PKN2: variants seen among roughly 807,000 people sequenced by gnomAD.
The protein encoded by PKN2 is serine/threonine-protein kinase N2.
Under a neutral mutation model 119.1 loss-of-function variants are expected in PKN2, and 38 were observed. That is an observed-to-expected ratio of 0.32 (90% confidence interval 0.25 to 0.42). PKN2 has a LOEUF of 0.42. PKN2 is among the 10% of genes least tolerant of loss of function. The pLI is 1.00. For synonymous variants in PKN2, 390 were observed against 384.9 expected, an observed-to-expected ratio of 1.01 and a Z score of -0.15; for missense variants, 850 against 1,165.1, an observed-to-expected ratio of 0.73 and a Z score of 3.94.
chr1:88,716,302 A>C (rs932858947), intron 1 of PKN2, among the ~76,000 whole-genome samples: 2 of 152,170 alleles, frequency 1.3e-5, no homozygotes, highest in African/African-American at 2.4e-5. Flanking sequence ...GTAGATGTCT[A>C]TTAGGTCTGC....
chr1:88,717,057 T>G (rs959321455), intron 1 of PKN2, among the ~76,000 whole-genome samples: 8 of 152,174 alleles, frequency 5.3e-5, no homozygotes, highest in African/African-American at 1.9e-4. Flanking sequence ...CTTATGAAGC[T>G]TAGTTTGGCT....
intron 15 of PKN2, among the ~76,000 whole-genome samples, chr1:88,808,788 A>T (rs1671665565): frequency 6.6e-6 from 1 of 152,166 alleles, no homozygotes; most frequent in Non-Finnish European, 1.5e-5. Flanking sequence ...TGTAGGAGGC[A>T]TATGTTAATA....
chr1:88,818,680 C>T (rs1186386471), intron 16 of PKN2, among the ~76,000 whole-genome samples: 1 of 151,050 alleles, frequency 6.6e-6, no homozygotes, highest in African/African-American at 2.4e-5. Context: ...GAAGAAACTA[C>T]TTTAAATTTC....
chr1:88,704,087 A>C (rs1257320274), intron 1 of PKN2, among the ~76,000 whole-genome samples: 1 of 152,180 alleles, frequency 6.6e-6, no homozygotes, highest in African/African-American at 2.4e-5. Flanking sequence ...AGTGCAAACA[A>C]TATAATGAAC....
At chr1:88,802,250 A>G (rs1671343451) in intron 8 of PKN2, among the ~76,000 whole-genome samples, 1 of 152,218 alleles carries the variant, frequency 6.6e-6, no homozygotes, top group Admixed American at 6.5e-5. Flanking sequence ...AGAGTATAGA[A>G]TTCTAGGAAA....
At chr1:88,821,183 C>T (rs1003330400) in intron 16 of PKN2, among the ~76,000 whole-genome samples, 4 of 152,172 alleles carry the variant, frequency 2.6e-5, no homozygotes, top group African/African-American at 9.7e-5. Context: ...ACTTCCTTAT[C>T]CTGTAATGGG....
chr1:88,707,002 G>A (rs953081708), intron 1 of PKN2, among the ~76,000 whole-genome samples: 1 of 151,684 alleles, frequency 6.6e-6, no homozygotes, highest in Non-Finnish European at 1.5e-5. Context: ...TATATATCTT[G>A]TCTGTTTTTG....
At chr1:88,766,751 G>C (rs781723476) in intron 3 of PKN2, among the ~76,000 whole-genome samples, 1 of 151,978 alleles carries the variant, frequency 6.6e-6, no homozygotes, top group Non-Finnish European at 1.5e-5. Flanking sequence ...CTCTTCCCTT[G>C]TACATATTAT....
At chr1:88,717,798 A>C (rs1667514447) in intron 1 of PKN2, among the ~76,000 whole-genome samples, 1 of 151,886 alleles carries the variant, frequency 6.6e-6, no homozygotes, top group South Asian at 2.1e-4. Flanking sequence ...ACTTCTGTCA[A>C]CTCGTCAAAG....
At chr1:88,784,312 A>G (rs1201650352) in intron 6 of PKN2, among the ~76,000 whole-genome samples, 8 of 151,860 alleles carry the variant, frequency 5.3e-5, no homozygotes, top group African/African-American at 1.9e-4. Flanking sequence ...TTTAGTATAC[A>G]GGGTCTTGCC....
At chr1:88,703,629 C>T (rs1666859235) in intron 1 of PKN2, among the ~76,000 whole-genome samples, 1 of 152,016 alleles carries the variant, frequency 6.6e-6, no homozygotes, top group African/African-American at 2.4e-5. Flanking sequence ...TAAGCATTTT[C>T]CTCTCATCAC....
chr1:88,833,165 T>A lies in PKN2; in HGVS notation c.2751+8T>A. On this transcript the variant is annotated splice_region_variant and intron_variant, in intron 21 of 21. Transcript: ENST00000370521. Reference sequence around the variant, plus strand: ...AAGCACCCATTTTTCCGGGTAAGTGTGACTATTTAAAATTTTTTATGAAAC... The same window carrying A: ...AAGCACCCATTTTTCCGGGTAAGTGAGACTATTTAAAATTTTTTATGAAAC... 6.2e-7 allele frequency: 1 copy of A among 1,612,124 alleles called. No individual in the cohort carries two copies. Among genetic ancestry groups the A allele is most frequent in the East Asian group, 2.2e-5 (1 of 44,784 alleles).
chr1:88,768,415 TCTCTTC>T (rs1343582169), intron 3 of PKN2, among the ~76,000 whole-genome samples: 2 of 152,198 alleles, frequency 1.3e-5, no homozygotes, highest in African/African-American at 4.8e-5. Context: ...GGCTCCTGAC[TCTCTTC>T]CTTTGTCTTC....
In PKN2 at chr1:88,810,848, C is replaced by T. The variant is rs144066243; in HGVS notation, c.2103-2709C>T. On this transcript the variant is annotated intron_variant, in intron 15 of 21. Transcript: ENST00000370521. ...TCTCAAACTCCTGACCTCAGGTGAT[C>T]CACCCGCCTCAGCCTCCCAAAGTGC... Among the ~76,000 whole-genome samples the T allele has an allele frequency of 4.5e-3, 689 of 152,192 alleles. 2 individuals are homozygous for T. Among genetic ancestry groups the T allele is most frequent in the African/African-American group, 0.016 (647 of 41,538 alleles).
At chr1:88,745,893 G>A (rs1323709626) in intron 2 of PKN2, among the ~76,000 whole-genome samples, 1 of 152,016 alleles carries the variant, frequency 6.6e-6, no homozygotes, top group African/African-American at 2.4e-5. Context: ...ATTAACCAAT[G>A]GAATAGAAAA....
chr1:88,811,132 C>T (rs1327222957), intron 15 of PKN2, among the ~76,000 whole-genome samples: 2 of 152,164 alleles, frequency 1.3e-5, no homozygotes, highest in African/African-American at 2.4e-5. Context: ...CTCTAAGTCC[C>T]ATTTGCCCTT....
chr1:88,817,185 A>G (rs1287416941), intron 16 of PKN2, among the ~76,000 whole-genome samples: 1 of 152,178 alleles, frequency 6.6e-6, no homozygotes, highest in Non-Finnish European at 1.5e-5. Flanking sequence ...GCAGCACATC[A>G]AAAAGCTTAT....
chr1:88,741,800 CTGTTA>C (rs1185813666), intron 2 of PKN2, among the ~76,000 whole-genome samples: 5 of 151,990 alleles, frequency 3.3e-5, no homozygotes, highest in African/African-American at 9.7e-5. Context: ...ATAGAAAAAA[CTGTTA>C]CACATTACTT....
At chr1:88,752,609 G>A (rs1400781175) in intron 2 of PKN2, among the ~76,000 whole-genome samples, 1 of 152,072 alleles carries the variant, frequency 6.6e-6, no homozygotes, top group Non-Finnish European at 1.5e-5. Context: ...TAGAATTGAT[G>A]CATATTTCTG....
Sources: allele counts gnomAD v4.1 joint callset (sites outside exome capture counted in the v4.1 genomes callset), GRCh38; gene constraint gnomAD v4.1.1; transcripts MANE v1.5; gene names NCBI Gene and HGNC (gene_info 2026-07-23, HGNC 2026-07-21).